SH2B1: variants seen among roughly 807,000 people sequenced by gnomAD.
The protein encoded by SH2B1 is SH2B adapter protein 1.
SH2B1 carries 15 observed loss-of-function variants against 62.6 expected under a neutral mutation model. The observed-to-expected ratio is 0.24, with a 90% confidence interval of 0.16 to 0.37. SH2B1 has a LOEUF of 0.37. Among genes scored for constraint, SH2B1 ranks in the 10% least tolerant of loss-of-function variants. SH2B1 has a pLI of 1.00. For missense variants in SH2B1, 925 were observed against 1,015.6 expected (o/e 0.91, Z 1.21); for synonymous variants, 443 against 438.0 (o/e 1.01, Z -0.14).
chr16:28,871,122 A>G (rs1053890882), intron 4 of SH2B1, among the ~76,000 whole-genome samples: 5 of 151,870 alleles, frequency 3.3e-5, no homozygotes, highest in African/African-American at 9.7e-5. Flanking sequence ...GGTTCAAGCA[A>G]TTCTTCTGCC....
At chr16:28,852,277 TATATATATTTACATATATATATTTAC>T (rs1567458148) in intron 1 of SH2B1, among the ~76,000 whole-genome samples, 4 of 52,608 alleles carry the variant, frequency 7.6e-5, no homozygotes, top group Admixed American at 3.3e-4. Context: ...TATATTTACA[TATATATATTTACATATATATATTTAC>T]ATATATATAT....
chr16:28,849,116 G>C (rs901450305), intron 1 of SH2B1, among the ~76,000 whole-genome samples: 1 of 152,108 alleles, frequency 6.6e-6, no homozygotes, highest in African/African-American at 2.4e-5. Context: ...TTTTGTTTTT[G>C]TTTTTTTGAC....
At position 28,864,121 on chromosome 16, in the gene SH2B1, GA is replaced by G; in HGVS notation, c.-1970del. On this transcript the variant is annotated 5_prime_UTR_variant, in exon 1 of 8. The change creates a new upstream start codon in the 5' untranslated region. Coordinates refer to ENST00000684370, the MANE Select transcript of SH2B1 (RefSeq NM_001387430.1). The stretch of plus-strand genomic sequence containing the variant: ...TGGTCCCGAGGTGGATGCGGCCCCG[GA>G]AAATGGGCGGCTGGGGGGTGTCCAG... 8.2e-7 allele frequency: 1 copy of G among 1,214,160 alleles called. No individual in the cohort carries two copies. The highest frequency in any genetic ancestry group is 1.0e-6 in the Non-Finnish European group (1 of 968,186). 75.2% of individuals were successfully genotyped at this position (1,214,160 alleles called of 1,614,324 possible).
Position 28,866,040 on chromosome 16 carries a change from C to T in SH2B1, c.-55C>T. Reference sequence around the variant, plus strand: ...CTGCCGCCCACCCCTCGTCTTCTGGCTGCCTCCCTCTTTGTGCCCCACAGG... The same window carrying T: ...CTGCCGCCCACCCCTCGTCTTCTGGTTGCCTCCCTCTTTGTGCCCCACAGG... On this transcript the variant is annotated 5_prime_UTR_variant, in exon 1 of 8. Coordinates refer to ENST00000684370, the MANE Select transcript of SH2B1 (RefSeq NM_001387430.1). The surrounding 1 kb of genome is among the most constrained non-coding windows in gnomAD (Gnocchi z 6.3). 1 of 1,504,100 alleles carries T rather than the reference C, an allele frequency of 6.6e-7. No homozygotes were observed. The highest frequency in any genetic ancestry group is 8.8e-7 in the Non-Finnish European group (1 of 1,134,926). 93.2% of individuals were successfully genotyped at this position (1,504,100 alleles called of 1,614,324 possible). A position where few individuals can be genotyped will look rare whatever the true frequency, so the allele number is the denominator to read the frequency against.
At position 28,865,943 on chromosome 16, in the gene SH2B1, G is replaced by T; in HGVS notation, c.-152G>T. ...AGTAGGGTCGGACGTCTCTGGCTGG[G>T]GGTGGGATGCAGCCTCCGGTGCGCC... is the stretch of plus-strand genomic sequence containing the variant. On this transcript the variant is annotated 5_prime_UTR_variant, in exon 1 of 8. Coordinates refer to ENST00000684370, the MANE Select transcript of SH2B1 (RefSeq NM_001387430.1). The T allele has an allele frequency of 7.0e-7, 1 of 1,423,334 alleles. No homozygotes were observed. The highest frequency in any genetic ancestry group is 1.5e-5 in the South Asian group (1 of 64,978). 88.2% of individuals were successfully genotyped at this position (1,423,334 alleles called of 1,614,324 possible).
At position 28,851,401 on chromosome 16, in the gene SH2B1, C is replaced by T. The variant is rs534622220; in HGVS notation, c.-301+4574C>T. On this transcript the variant is annotated intron_variant, in intron 1 of 10. Coordinates refer to the SH2B1 transcript ENST00000322610. ...TTGGGATCATCTCTCATCCAGGTTA[C>T]CTCAGGAGCTCTCCAGTGGGTCTCC... Among the ~76,000 whole-genome samples the T allele has an allele frequency of 1.6e-3, 240 of 151,952 alleles. 1 individual carries two copies. The highest frequency in any genetic ancestry group is 3.4e-3 in the Middle Eastern group (1 of 292).
chr16:28,857,961 G>C (rs923685537), intron 1 of SH2B1, among the ~76,000 whole-genome samples: 1 of 151,868 alleles, frequency 6.6e-6, no homozygotes, highest in African/African-American at 2.4e-5. Flanking sequence ...GGATGGTCTC[G>C]ATCTCCTGAC....
upstream of SH2B1, among the ~76,000 whole-genome samples, chr16:28,858,846 A>G (rs1218903073): frequency 6.6e-6 from 1 of 150,864 alleles, no homozygotes; most frequent in African/African-American, 2.4e-5. Flanking sequence ...AGGCTGAGGC[A>G]TGAGAATCAC....
chr16:28,865,866 G>C lies in SH2B1; in HGVS notation c.-229G>C. 1 of 1,313,386 alleles carries C rather than the reference G, an allele frequency of 7.6e-7. No individual in the cohort carries two copies. The highest frequency in any genetic ancestry group is 9.7e-7 in the Non-Finnish European group (1 of 1,034,558). The allele number at this position is 1,313,386 out of a possible 1,614,324, so 81.4% of individuals were successfully genotyped here. On this transcript the variant is annotated 5_prime_UTR_variant, in exon 1 of 8. Coordinates refer to ENST00000684370, the MANE Select transcript of SH2B1 (RefSeq NM_001387430.1). The stretch of plus-strand genomic sequence containing the variant: ...GCCTGCAGGGTGCCAGGATCTGGGA[G>C]AGGGAAGGGAGGTGTTGGGCTCCCT...
rs150899607 is a variant in SH2B1, at chr16:28,874,132, C to T, written c.*312C>T. On this transcript the variant is annotated 3_prime_UTR_variant, in exon 8 of 8. Coordinates refer to ENST00000684370, the MANE Select transcript of SH2B1 (RefSeq NM_001387430.1). ...GGTGAGGGGGAAGGGCTGTCAGTTACATTAAGGTGGTTGTTGTTGTTGTTT... is the reference window on the plus strand; with the variant it reads ...GGTGAGGGGGAAGGGCTGTCAGTTATATTAAGGTGGTTGTTGTTGTTGTTT... 436 of 318,876 alleles carry T rather than the reference C, an allele frequency of 1.4e-3. 1 individual carries two copies. The highest frequency in any genetic ancestry group is 2.8e-3 in the South Asian group (18 of 6,392). The allele number at this position is 318,876 out of a possible 1,614,324, so 19.8% of individuals were successfully genotyped here. A position where few individuals can be genotyped will look rare whatever the true frequency, so the allele number is the denominator to read the frequency against.
rs776323715 is a variant in SH2B1 at position 28,872,835 on chromosome 16, G to A, written c.1897+130G>A. 2.4e-6 allele frequency: 3 copies of A among 1,237,090 alleles called. No individual in the cohort carries two copies. Among genetic ancestry groups the A allele is most frequent in the South Asian group, 2.6e-5 (2 of 77,710 alleles). 76.6% of individuals were successfully genotyped at this position (1,237,090 alleles called of 1,614,324 possible). ...GCTTTGCTTGGGAGAGCAGGGTAGAGGAGGCTGTTGTGCCTCGGGGTTTGG... is the reference window on the plus strand; with the variant it reads ...GCTTTGCTTGGGAGAGCAGGGTAGAAGAGGCTGTTGTGCCTCGGGGTTTGG... On this transcript the variant is annotated intron_variant, in intron 7 of 7. Coordinates refer to ENST00000684370, the MANE Select transcript of SH2B1 (RefSeq NM_001387430.1). The surrounding 1 kb of genome is among the most constrained non-coding windows in gnomAD (Gnocchi z 5.3).
In SH2B1 at chr16:28,864,202, A is replaced by G. The variant is rs1962559434; in HGVS notation, c.-1893A>G. 5.7e-6 allele frequency: 6 copies of G among 1,050,700 alleles called. No homozygotes were observed. Among genetic ancestry groups the G allele is most frequent in the African/African-American group, 1.7e-5 (1 of 58,232 alleles). The allele number at this position is 1,050,700 out of a possible 1,614,324, so 65.1% of individuals were successfully genotyped here. On this transcript the variant is annotated 5_prime_UTR_variant, in exon 1 of 8. Coordinates refer to ENST00000684370, the MANE Select transcript of SH2B1 (RefSeq NM_001387430.1). ...CACCGGGCCCGGAGGGTCCGAGCCG[A>G]GAGCGGAGCCTGCACCCTCCACCTC... is the stretch of plus-strand genomic sequence containing the variant.
upstream of SH2B1, chr16:28,863,008 GCAATCTCTGCCTTCCGGATT>G (rs1457842071): frequency 6.7e-6 from 1 of 149,976 alleles, no homozygotes; most frequent in Non-Finnish European, 1.5e-5. Context: ...TCGGCTCACC[GCAATCTCTGCCTTCCGGATT>G]CAAGCTATTC....
intron 1 of SH2B1, among the ~76,000 whole-genome samples, chr16:28,853,929 G>A (rs1298547200): frequency 6.6e-6 from 1 of 150,474 alleles, no homozygotes; most frequent in East Asian, 2.0e-4. Context: ...TAAAACCCGG[G>A]AGGTGGAGCT....
Position 28,872,603 on chromosome 16 carries a change from G to T in SH2B1, c.1795G>T (p.Asp599Tyr). The change falls in exon 7 of 8, where the codon GAT becomes TAT. Residue 599 changes from aspartate to tyrosine, a missense_variant. Around this residue, in one of 3 missense-constraint regions of SH2B1, gnomAD observed 57 missense variants for 122.1 expected, o/e 0.47. Coordinates refer to ENST00000684370, the MANE Select transcript of SH2B1 (RefSeq NM_001387430.1). The surrounding 1 kb of genome is among the most constrained non-coding windows in gnomAD (Gnocchi z 5.3). Reference protein sequence around the residue: ...VQHLWFQSIFDMLEHFRVHPI... With the variant: ...VQHLWFQSIFYMLEHFRVHPI... The stretch of plus-strand genomic sequence containing the variant: ...GCACCTGTGGTTCCAGTCCATTTTC[G>T]ATATGCTCGAGCACTTCCGGGTGCA... 6.2e-7 allele frequency: 1 copy of T among 1,614,194 alleles called. No homozygotes were observed. Among genetic ancestry groups the T allele is most frequent in the Non-Finnish European group, 8.5e-7 (1 of 1,180,034 alleles).
Position 28,864,445 on chromosome 16 carries a change from T to A in SH2B1, c.-1650T>A, listed in dbSNP as rs1333415763. On this transcript the variant is annotated 5_prime_UTR_variant, in exon 1 of 8. Coordinates refer to ENST00000684370, the MANE Select transcript of SH2B1 (RefSeq NM_001387430.1). Reference sequence around the variant, plus strand: ...TGGAGATTGGTTTGCACTTCTTGGCTGGGTTCCCCCGTGCTCCATGACTCC... The same window carrying A: ...TGGAGATTGGTTTGCACTTCTTGGCAGGGTTCCCCCGTGCTCCATGACTCC... 1.0e-6 allele frequency: 1 copy of A among 986,370 alleles called. No individual in the cohort carries two copies. The highest frequency in any genetic ancestry group is 1.2e-6 in the Non-Finnish European group (1 of 830,576). 61.1% of individuals were successfully genotyped at this position (986,370 alleles called of 1,614,324 possible).
At chr16:28,861,375 C>A (rs899768921), upstream of SH2B1, among the ~76,000 whole-genome samples, 1 of 152,038 alleles carries the variant, frequency 6.6e-6, no homozygotes, top group African/African-American at 2.4e-5. Flanking sequence ...TCATGATGCG[C>A]CCGCCTCAGC....
chr16:28,851,340 C>T (rs1045405790), intron 1 of SH2B1, among the ~76,000 whole-genome samples: 2 of 152,014 alleles, frequency 1.3e-5, no homozygotes, highest in Admixed American at 6.6e-5. Flanking sequence ...TGTGACCCCA[C>T]GTTTTACTAT....
chr16:28,852,218 TTA>T (rs1491113047), intron 1 of SH2B1, among the ~76,000 whole-genome samples: 5 of 68,868 alleles, frequency 7.3e-5, no homozygotes, highest in Non-Finnish European at 9.6e-5. Context: ...ATATATATAT[TTA>T]CATATATATT....
Sources: allele counts gnomAD v4.1 joint callset (sites outside exome capture counted in the v4.1 genomes callset), GRCh38; gene constraint gnomAD v4.1.1; regional missense constraint gnomAD v4.1.1; non-coding constraint Gnocchi (gnomAD v3.1); transcripts MANE v1.5; gene names NCBI Gene and HGNC (gene_info 2026-07-23, HGNC 2026-07-21).